CACNA1A: variants seen among roughly 807,000 people sequenced by gnomAD.
CACNA1A encodes calcium voltage-gated channel subunit alpha1 A, also known as voltage-dependent P/Q-type calcium channel subunit alpha-1A.
Under a neutral mutation model 262.4 loss-of-function variants are expected in CACNA1A, and 57 were observed. That is an observed-to-expected ratio of 0.22 (90% CI 0.18 to 0.27). The LOEUF is 0.27. CACNA1A is among the 10% of genes least tolerant of loss of function. CACNA1A has a pLI of 1.00. For missense variants in CACNA1A, 2,526 were observed against 3,562.8 expected (o/e 0.71, Z 7.41); for synonymous variants, 1,431 against 1,419.3 (o/e 1.01, Z -0.18).
rs367797276 is a variant in CACNA1A at position 13,399,000 on chromosome 19, C to T, written c.540-27221G>A. On this transcript the variant is annotated intron_variant, in intron 3 of 46. Transcript: ENST00000360228. Reference sequence around the variant, plus strand: ...ATATTACATTCCCATGATCCTCCTGCGATCCCAGGAGGGCTTGAGCCTCTG... The same window carrying T: ...ATATTACATTCCCATGATCCTCCTGTGATCCCAGGAGGGCTTGAGCCTCTG... 1.3e-3 allele frequency among the ~76,000 whole-genome samples: 201 copies of T among 152,224 alleles called. 7 individuals are homozygous for T. In the South Asian group the frequency reaches 0.041, roughly 31 times the overall value.
chr19:13,472,844 C>T (rs1040559493), intron 1 of CACNA1A, among the ~76,000 whole-genome samples: 6 of 152,160 alleles, frequency 3.9e-5, no homozygotes, highest in African/African-American at 1.2e-4. Context: ...GAGCCTCTGG[C>T]CATGACCTTA....
chr19:13,443,999 C>T (rs988950724), intron 3 of CACNA1A, among the ~76,000 whole-genome samples: 1 of 152,178 alleles, frequency 6.6e-6, no homozygotes, highest in Non-Finnish European at 1.5e-5. Context: ...AGAATAACGA[C>T]CATGGCAGCT....
In CACNA1A at chr19:13,359,594, A is replaced by C. The variant is rs755859875; in HGVS notation, c.978+12T>G. The C allele has an allele frequency of 3.1e-6, 5 of 1,600,622 alleles. No homozygotes were observed. In the Admixed American group the frequency reaches 5.1e-5, roughly 16 times the overall value. On this transcript the variant is annotated intron_variant, in intron 6 of 46. Coordinates refer to ENST00000360228, the MANE Select transcript of CACNA1A (RefSeq NM_001127222.2). ...TCTGATTGTCCACACACACTGTCCC[A>C]GCATCACTTACATTGTAGAGGAGAT...
intron 1 of CACNA1A, among the ~76,000 whole-genome samples, chr19:13,500,685 T>C (rs2145171230): frequency 6.6e-6 from 1 of 152,264 alleles, no homozygotes; most frequent in Middle Eastern, 3.4e-3. Flanking sequence ...CACTCCTGGG[T>C]TAATTTACCC....
At chr19:13,389,543 C>G (rs906493736) in intron 3 of CACNA1A, among the ~76,000 whole-genome samples, 12 of 152,270 alleles carry the variant, frequency 7.9e-5, no homozygotes, top group African/African-American at 2.9e-4. Flanking sequence ...TTCCTCTGTG[C>G]CCGCATCGCT....
At chr19:13,286,073 G>C (rs2057391290) in intron 20 of CACNA1A, among the ~76,000 whole-genome samples, 1 of 150,508 alleles carries the variant, frequency 6.6e-6, no homozygotes, top group Non-Finnish European at 1.5e-5. Flanking sequence ...ACAGGCATGA[G>C]CCAGTACATC....
intron 38 of CACNA1A, among the ~76,000 whole-genome samples, chr19:13,217,348 T>C (rs952859673): frequency 1.3e-5 from 2 of 152,190 alleles, no homozygotes; most frequent in Non-Finnish European, 2.9e-5. Context: ...GAGGTTAATC[T>C]GTACCCCCTT....
intron 24 of CACNA1A, among the ~76,000 whole-genome samples, chr19:13,266,228 T>A (rs982520841): frequency 6.6e-5 from 10 of 152,110 alleles, no homozygotes; most frequent in Middle Eastern, 3.4e-3. Flanking sequence ...TTTTTTTATT[T>A]AAATTAAAGA....
intron 6 of CACNA1A, 63 bp downstream of exon 6, chr19:13,359,543 G>T: frequency 1.5e-6 from 2 of 1,331,930 alleles, no homozygotes; most frequent in Non-Finnish European, 2.1e-6. Context: ...AGTCTCACTG[G>T]TCCCAGGAGG....
intron 4 of CACNA1A, among the ~76,000 whole-genome samples, chr19:13,367,883 C>G (rs2059245489): frequency 6.6e-6 from 1 of 152,178 alleles, no homozygotes; most frequent in African/African-American, 2.4e-5. Flanking sequence ...CCAGTAGCCT[C>G]TCATCTAACA....
chr19:13,332,149 C>T (rs2058478722), intron 9 of CACNA1A, among the ~76,000 whole-genome samples: 1 of 152,154 alleles, frequency 6.6e-6, no homozygotes, highest in Admixed American at 6.6e-5. Flanking sequence ...ATCTACACTC[C>T]CAGCATTTTG....
chr19:13,300,669 T>G lies in CACNA1A; in HGVS notation c.2173-13A>C. On this transcript the variant is annotated splice_polypyrimidine_tract_variant and intron_variant, in intron 17 of 46. Transcript: ENST00000360228. ...CCTCTTGCTCGTCCTAAAAGGCACG[T>G]GGAATCTTTGTTCACAAAACATGAA... 6.2e-7 allele frequency: 1 copy of G among 1,603,574 alleles called. No homozygotes were observed. The highest frequency in any genetic ancestry group is 8.5e-7 in the Non-Finnish European group (1 of 1,170,416).
intron 24 of CACNA1A, among the ~76,000 whole-genome samples, chr19:13,266,146 C>T (rs1325817483): frequency 2.0e-5 from 3 of 152,068 alleles, no homozygotes; most frequent in African/African-American, 7.2e-5. Flanking sequence ...GTCTGGCCTA[C>T]ATTTACTTTT....
At chr19:13,265,216 C>CCA (rs2056832460) in intron 24 of CACNA1A, among the ~76,000 whole-genome samples, 1 of 152,164 alleles carries the variant, frequency 6.6e-6, no homozygotes, top group Non-Finnish European at 1.5e-5. Flanking sequence ...CCCTAGCCTG[C>CCA]GCCTGGCGTG....
chr19:13,438,150 A>G (rs2060646573), intron 3 of CACNA1A, among the ~76,000 whole-genome samples: 1 of 152,190 alleles, frequency 6.6e-6, no homozygotes, highest in Non-Finnish European at 1.5e-5. Flanking sequence ...CACAGTAATG[A>G]CACGTCATCT....
At position 13,275,974 on chromosome 19, in the gene CACNA1A, G is replaced by C; in HGVS notation, c.3883-18C>G. 1 of 1,564,082 alleles carries C rather than the reference G, an allele frequency of 6.4e-7. No homozygotes were observed. On this transcript the variant is annotated intron_variant, in intron 23 of 46. Coordinates refer to ENST00000360228, the MANE Select transcript of CACNA1A (RefSeq NM_001127222.2). ...TCAATCATCTGTGGGGGAGAAGAGAGGGTGCTCAGAACCCCCACCTGATCC... is the reference window on the plus strand; with the variant it reads ...TCAATCATCTGTGGGGGAGAAGAGACGGTGCTCAGAACCCCCACCTGATCC...
chr19:13,389,588 A>G (rs2059677772), intron 3 of CACNA1A, among the ~76,000 whole-genome samples: 1 of 151,970 alleles, frequency 6.6e-6, no homozygotes, highest in South Asian at 2.1e-4. Context: ...TTTTTTCCCC[A>G]ATATTAAAGG....
chr19:13,335,981 G>A, intron 6 of CACNA1A, 72 bp from the exon 7 acceptor site: 1 of 843,462 alleles, frequency 1.2e-6, no homozygotes, highest in South Asian at 1.6e-5. Context: ...GGTGAGGGAA[G>A]GGGAAGCTCG....
intron 3 of CACNA1A, among the ~76,000 whole-genome samples, chr19:13,432,125 A>AAT (rs2060518068): frequency 6.7e-6 from 1 of 149,322 alleles, no homozygotes; most frequent in Admixed American, 6.7e-5. Context: ...AAAAAAAAAA[A>AAT]ATTTTAGGCC....
Sources: allele counts gnomAD v4.1 joint callset (sites outside exome capture counted in the v4.1 genomes callset), GRCh38; gene constraint gnomAD v4.1.1; transcripts MANE v1.5; gene names NCBI Gene and HGNC (gene_info 2026-07-23, HGNC 2026-07-21).